INF2: variants seen among roughly 807,000 people sequenced by gnomAD.
The protein encoded by INF2 is inverted formin-2.
In INF2, 43 loss-of-function variants were observed where a neutral mutation model predicts 123.5. The observed-to-expected ratio is 0.35, with a 90% confidence interval of 0.27 to 0.45. The LOEUF is 0.45. INF2 is among the 20% of genes least tolerant of loss of function. The probability of loss-of-function intolerance (pLI) is 1.00; values close to 1 mark genes in which losing one functional copy is unlikely to be tolerated. For missense variants in INF2, 1,453 were observed against 1,682.7 expected, an observed-to-expected ratio of 0.86 and a Z score of 2.39; for synonymous variants, 851 against 745.0, an observed-to-expected ratio of 1.14 and a Z score of -2.32.
rs572877068 is a variant in INF2, at chr14:104,701,257, G to C, written c.-9-100G>C. 15 of 1,338,418 alleles carry C rather than the reference G, an allele frequency of 1.1e-5. No individual in the cohort carries two copies. In the South Asian group the frequency reaches 1.8e-4, roughly 16 times the overall value. 82.9% of individuals were successfully genotyped at this position (1,338,418 alleles called of 1,614,324 possible). On this transcript the variant is annotated intron_variant, in intron 1 of 22. Transcript: ENST00000392634. Reference sequence around the variant, plus strand: ...TGGCACGTGAGCAGGAATTGCAGCAGAGAAACTGAGACCGAGGGAAGTGGC... The same window carrying C: ...TGGCACGTGAGCAGGAATTGCAGCACAGAAACTGAGACCGAGGGAAGTGGC...
intron 22 of INF2, among the ~76,000 whole-genome samples, chr14:104,718,303 C>G (rs1890408789): frequency 6.6e-6 from 1 of 152,134 alleles, no homozygotes; most frequent in Non-Finnish European, 1.5e-5. Context: ...GGCAGGAGGC[C>G]TGTGGGGCCA....
At chr14:104,714,076 TCA>T in intron 20 of INF2, 125 bp from the exon 21 acceptor site, 1 of 814,318 alleles carries the variant, frequency 1.2e-6, no homozygotes, top group Admixed American at 2.9e-5. Flanking sequence ...CTCTGAGACA[TCA>T]GAGGAGGCTT....
intron 1 of INF2, among the ~76,000 whole-genome samples, chr14:104,683,810 G>A (rs986024311): frequency 6.6e-6 from 1 of 152,116 alleles, no homozygotes; most frequent in African/African-American, 2.4e-5. Context: ...GGCCTGCCCT[G>A]AGCCCTCTCC....
At chr14:104,687,302 AAGG>A (rs1888687674), upstream of INF2, among the ~76,000 whole-genome samples, 1 of 152,172 alleles carries the variant, frequency 6.6e-6, no homozygotes, top group East Asian at 1.9e-4. This position sits in a 1 kb window ranked among gnomAD's most constrained non-coding sequence, Gnocchi z 5.6. Context: ...TGAGCCACTG[AAGG>A]AGAAGAGGAG....
At chr14:104,685,479 C>T (rs1316411256), upstream of INF2, among the ~76,000 whole-genome samples, 1 of 151,916 alleles carries the variant, frequency 6.6e-6, no homozygotes. Flanking sequence ...GGAGGAAGGA[C>T]CTGGCTGGAG....
At chr14:104,709,449 G>A in intron 11 of INF2, 66 bp downstream of exon 11, 1 of 1,391,784 alleles carries the variant, frequency 7.2e-7, no homozygotes, top group Non-Finnish European at 1.0e-6. Context: ...GGCTGTCCCG[G>A]GGGCTCCCAG....
Position 104,712,538 on chromosome 14 carries a change from C to A in INF2, c.2595C>A (p.Tyr865Ter). 4.3e-6 allele frequency: 7 copies of A among 1,612,654 alleles called. No homozygotes were observed. Among genetic ancestry groups the A allele is most frequent in the Non-Finnish European group, 5.9e-6 (7 of 1,179,804 alleles). ...SASVAEVQEQ[Y>*]TERLQASISA... Reference sequence around the variant, plus strand: ...CCGTGGCCGAGGTCCAGGAGCAGTACACCGAGCGCCTCCAGGCAAGTGGGC... The same window carrying A: ...CCGTGGCCGAGGTCCAGGAGCAGTAAACCGAGCGCCTCCAGGCAAGTGGGC... The change falls in exon 17 of 23, where the codon TAC becomes TAA. Residue 865 changes from tyrosine to a stop codon, truncating the protein, a stop_gained. Coordinates refer to ENST00000392634, the MANE Select transcript of INF2 (RefSeq NM_022489.4). LOFTEE classifies it high-confidence loss of function.
At chr14:104,697,892 G>T (rs1281254161) in intron 1 of INF2, among the ~76,000 whole-genome samples, 2 of 151,722 alleles carry the variant, frequency 1.3e-5, no homozygotes, top group Non-Finnish European at 2.9e-5. Context: ...ACTGCCGGGG[G>T]GGGTGGATGG....
intron 15 of INF2, 129 bp downstream of exon 15, chr14:104,711,315 C>A: frequency 1.2e-6 from 1 of 819,380 alleles, no homozygotes; most frequent in South Asian, 1.6e-5. Flanking sequence ...AGGGCTCCGT[C>A]TAGAGCCAGC....
chr14:104,711,267 C>T, intron 15 of INF2, 81 bp downstream of exon 15: 1 of 1,183,856 alleles, frequency 8.4e-7, no homozygotes, highest in Non-Finnish European at 1.2e-6. Context: ...AGGCCATACC[C>T]CCATGCCCAC....
chr14:104,710,891 G>C, intron 13 of INF2, 46 bp from the exon 14 acceptor site: 1 of 1,572,784 alleles, frequency 6.4e-7, no homozygotes. Flanking sequence ...GGGCATCTGG[G>C]GGCTCCGAAC....
rs1337752659 is a variant in INF2 at position 104,683,309 on chromosome 14, C to T, written c.-104+1727C>T. Among the ~76,000 whole-genome samples, 49 of 152,288 alleles carry T rather than the reference C, an allele frequency of 3.2e-4. No individual in the cohort carries two copies. The East Asian group carries it at 7.9e-3, about 25-fold the overall frequency. On this transcript the variant is annotated intron_variant, in intron 1 of 2. Transcript: ENST00000674723. Reference sequence around the variant, plus strand: ...TAAATCCCAAGCATGCATCCTCCTACGTGCCTCAGCCTGGGGCTGCCACTC... The same window carrying T: ...TAAATCCCAAGCATGCATCCTCCTATGTGCCTCAGCCTGGGGCTGCCACTC...
In INF2 at chr14:104,719,182, A is replaced by C; in HGVS notation, c.*389A>C. On this transcript the variant is annotated 3_prime_UTR_variant, in exon 23 of 23. Transcript: ENST00000392634. ...CCCAGCAAGGTTTAATCAAAATGCA[A>C]TGCTTTGCAAGTCTTTACTGCTTGG... is the stretch of plus-strand genomic sequence containing the variant. 3.9e-6 allele frequency: 1 copy of C among 255,160 alleles called. No individual in the cohort carries two copies. Among genetic ancestry groups the C allele is most frequent in the East Asian group, 8.2e-5 (1 of 12,268 alleles). The allele number at this position is 255,160 out of a possible 1,614,324, so 15.8% of individuals were successfully genotyped here. A position where few individuals can be genotyped will look rare whatever the true frequency, so the allele number is the denominator to read the frequency against.
chr14:104,689,894 G>T (rs1455551480), intron 1 of INF2, among the ~76,000 whole-genome samples, 155 bp downstream of exon 1: 1 of 151,814 alleles, frequency 6.6e-6, no homozygotes, highest in Non-Finnish European at 1.5e-5. Context: ...TACAGTTCCC[G>T]GGCGGGGACC....
At chr14:104,691,252 G>C (rs1261635903) in intron 1 of INF2, 2 of 152,304 alleles carry the variant, frequency 1.3e-5, no homozygotes, top group East Asian at 3.8e-4. Context: ...TCAAAGTGCA[G>C]TTACTTCCTG....
In INF2 at chr14:104,699,656, C is replaced by G; in HGVS notation, c.-9-1701C>G. On this transcript the variant is annotated intron_variant, in intron 1 of 22. Coordinates refer to ENST00000392634, the MANE Select transcript of INF2 (RefSeq NM_022489.4). The surrounding 1 kb of genome is among the most constrained non-coding windows in gnomAD (Gnocchi z 4.7). ...CCGGGCCTGGGAGGGTGGCTTAAAACCACAGTGCACCGGGGGCTCCGGGCT... is the reference window on the plus strand; with the variant it reads ...CCGGGCCTGGGAGGGTGGCTTAAAAGCACAGTGCACCGGGGGCTCCGGGCT... 1 of 914,304 alleles carries G rather than the reference C, an allele frequency of 1.1e-6. No individual in the cohort carries two copies. The highest frequency in any genetic ancestry group is 1.2e-4 in the East Asian group (1 of 8,456). The allele number at this position is 914,304 out of a possible 1,614,324, so 56.6% of individuals were successfully genotyped here. A position where few individuals can be genotyped will look rare whatever the true frequency, so the allele number is the denominator to read the frequency against.
intron 22 of INF2, among the ~76,000 whole-genome samples, chr14:104,716,310 T>A (rs1335273712): frequency 6.6e-6 from 1 of 152,222 alleles, no homozygotes; most frequent in Non-Finnish European, 1.5e-5. Context: ...GAGAAGCTTC[T>A]CCGGACAGCT....
At chr14:104,693,263 A>AGGTGGGGTGGGGGAGAGGG (rs1889037586) in intron 1 of INF2, among the ~76,000 whole-genome samples, 1 of 152,024 alleles carries the variant, frequency 6.6e-6, no homozygotes, top group South Asian at 2.1e-4. Context: ...AAAGTGGGAG[A>AGGTGGGGTGGGGGAGAGGG]GGTGGGGTGG....
intron 1 of INF2, among the ~76,000 whole-genome samples, chr14:104,693,130 A>G (rs1322477913): frequency 2.0e-5 from 3 of 152,230 alleles, no homozygotes; most frequent in African/African-American, 7.2e-5. Flanking sequence ...ACATGGGAAG[A>G]TGCTGCCAAG....
Sources: allele counts gnomAD v4.1 joint callset (sites outside exome capture counted in the v4.1 genomes callset), GRCh38; gene constraint gnomAD v4.1.1; non-coding constraint Gnocchi (gnomAD v3.1); transcripts MANE v1.5; gene names NCBI Gene and HGNC (gene_info 2026-07-23, HGNC 2026-07-21).